LRP1B: variants seen among roughly 807,000 people sequenced by gnomAD.
LRP1B encodes LDL receptor related protein 1B, also known as low-density lipoprotein receptor-related protein 1B.
LRP1B carries 217 observed loss-of-function variants against 556.6 expected under a neutral mutation model. The observed-to-expected ratio is 0.39, with a 90% CI of 0.35 to 0.44. LRP1B has a LOEUF of 0.44. Ranked by LOEUF, LRP1B falls within the 20% of genes least tolerant of loss-of-function variation. The pLI is 1.00. For synonymous variants in LRP1B, 2,047 were observed against 1,865.8 expected, an observed-to-expected ratio of 1.10 and a Z score of -2.50; for missense variants, 5,053 against 5,620.8, an observed-to-expected ratio of 0.90 and a Z score of 3.23.
At chr2:140,292,518 C>T (rs113276167) in intron 84 of LRP1B, among the ~76,000 whole-genome samples, 9,194 of 152,178 alleles carry the variant, frequency 0.06, 400 homozygotes, top group Non-Finnish European at 0.098. Context: ...TTCCCCTTTG[C>T]TGCTTCCCTT....
chr2:141,227,552 A>G (rs1683294451), intron 6 of LRP1B, among the ~76,000 whole-genome samples: 1 of 152,154 alleles, frequency 6.6e-6, no homozygotes, highest in Non-Finnish European at 1.5e-5. Flanking sequence ...CCATTTCTCC[A>G]TAGAATTCTT....
intron 2 of LRP1B, among the ~76,000 whole-genome samples, chr2:141,686,441 T>G (rs1288872467): frequency 2.0e-5 from 3 of 152,050 alleles, no homozygotes; most frequent in Non-Finnish European, 4.4e-5. Flanking sequence ...CCTTAGCTAG[T>G]TCTAATAATG....
intron 25 of LRP1B, among the ~76,000 whole-genome samples, chr2:140,883,075 C>G (rs1050585463): frequency 6.6e-6 from 1 of 152,110 alleles, no homozygotes; most frequent in Non-Finnish European, 1.5e-5. Flanking sequence ...GTTATTATCC[C>G]CAATTCATAG....
At chr2:140,708,607 C>T (rs542199165) in intron 37 of LRP1B, among the ~76,000 whole-genome samples, 1 of 151,724 alleles carries the variant, frequency 6.6e-6, no homozygotes, top group East Asian at 1.9e-4. Flanking sequence ...TACACCCTGC[C>T]TCATTGCCCA....
Position 141,098,621 on chromosome 2 carries a change from A to G in LRP1B, c.1014-36348T>C, listed in dbSNP as rs115989881. Among the ~76,000 whole-genome samples the G allele has an allele frequency of 8.0e-3, 1,225 of 152,182 alleles. 17 individuals carry two copies. Among genetic ancestry groups the G allele is most frequent in the African/African-American group, 0.028 (1,177 of 41,514 alleles). On this transcript the variant is annotated intron_variant, in intron 7 of 90. Transcript: ENST00000389484. The stretch of plus-strand genomic sequence containing the variant: ...GTCTATGATGATTAAAGGGGGAAAA[A>G]TTCATATATTTAGTATCATGTTCTC...
intron 3 of LRP1B, among the ~76,000 whole-genome samples, chr2:141,420,883 C>A (rs1321797229): frequency 1.3e-5 from 2 of 152,160 alleles, no homozygotes; most frequent in African/African-American, 2.4e-5. Flanking sequence ...CTCAGAAAAA[C>A]CAGAATGTTG....
At chr2:140,577,932 G>GT (rs927240655) in intron 43 of LRP1B, among the ~76,000 whole-genome samples, 10 of 152,120 alleles carry the variant, frequency 6.6e-5, no homozygotes, top group African/African-American at 2.4e-4. Flanking sequence ...TTAAAGATGA[G>GT]TTTTTAACCT....
intron 31 of LRP1B, among the ~76,000 whole-genome samples, chr2:140,831,159 C>T (rs1691700289): frequency 6.6e-6 from 1 of 152,000 alleles, no homozygotes; most frequent in Non-Finnish European, 1.5e-5. Flanking sequence ...TATATGCAAT[C>T]TCTATCAAGA....
At chr2:140,918,987 G>A (rs16844947) in intron 21 of LRP1B, among the ~76,000 whole-genome samples, 28,828 of 151,666 alleles carry the variant, frequency 0.19, 3,438 homozygotes, top group East Asian at 0.4. Flanking sequence ...TCATATCTGT[G>A]CTGAATTCTT....
chr2:140,441,793 T>C (rs1256837402), intron 66 of LRP1B, among the ~76,000 whole-genome samples: 1 of 152,160 alleles, frequency 6.6e-6, no homozygotes, highest in Non-Finnish European at 1.5e-5. Flanking sequence ...GGCATATTTG[T>C]CTACAGAACA....
At position 141,434,027 on chromosome 2, in the gene LRP1B, T is replaced by G. The variant is rs185681898; in HGVS notation, c.343+46369A>C. 2.0e-5 allele frequency among the ~76,000 whole-genome samples: 3 copies of G among 152,048 alleles called. No individual in the cohort carries two copies. In the East Asian group the frequency reaches 5.8e-4, roughly 29 times the overall value. On this transcript the variant is annotated intron_variant, in intron 3 of 90. Transcript: ENST00000389484. ...TTCCACCTTACTGCTTTCAAGATTTTCTATCTTTGGCTTTCAACATCATGA... is the reference window on the plus strand; with the variant it reads ...TTCCACCTTACTGCTTTCAAGATTTGCTATCTTTGGCTTTCAACATCATGA...
At chr2:140,598,555 T>G (rs149817242) in intron 43 of LRP1B, 76 bp downstream of exon 43, 78 of 1,110,284 alleles carry the variant, frequency 7.0e-5, no homozygotes, top group Middle Eastern at 2.5e-4. Context: ...TATGTACATT[T>G]TAGGAGAGTA....
chr2:140,854,308 T>G (rs1019706202), intron 27 of LRP1B, among the ~76,000 whole-genome samples: 5 of 152,246 alleles, frequency 3.3e-5, no homozygotes, highest in Admixed American at 1.3e-4. Context: ...ATATATATTT[T>G]TGAAGGCAGA....
At chr2:141,056,372 T>A (rs1699178764) in intron 9 of LRP1B, among the ~76,000 whole-genome samples, 1 of 151,872 alleles carries the variant, frequency 6.6e-6, no homozygotes, top group African/African-American at 2.4e-5. Context: ...TAATCAAAAA[T>A]CTTTTAACCC....
intron 60 of LRP1B, among the ~76,000 whole-genome samples, chr2:140,463,753 A>G (rs1260452065): frequency 6.6e-6 from 1 of 152,224 alleles, no homozygotes; most frequent in African/African-American, 2.4e-5. Flanking sequence ...CAGGAAGATC[A>G]GAGCTGACAG....
intron 32 of LRP1B, among the ~76,000 whole-genome samples, chr2:140,793,837 G>GA (rs747579275): frequency 4.7e-5 from 7 of 148,984 alleles, no homozygotes; most frequent in East Asian, 2.0e-4. Context: ...ATCAGAAAAT[G>GA]AAAAAAAAAT....
At chr2:142,079,545 T>C (rs1705637058) in intron 1 of LRP1B, among the ~76,000 whole-genome samples, 1 of 152,086 alleles carries the variant, frequency 6.6e-6, no homozygotes, top group Admixed American at 6.6e-5. Context: ...TCTCACTGTG[T>C]CGCCCAGGTT....
At chr2:141,896,722 A>C (rs550656322) in intron 1 of LRP1B, among the ~76,000 whole-genome samples, 2 of 152,216 alleles carry the variant, frequency 1.3e-5, no homozygotes, top group African/African-American at 4.8e-5. Context: ...AAATACAAAC[A>C]TAAAATAAAA....
chr2:140,457,966 ATG>A (rs145083660), intron 60 of LRP1B, among the ~76,000 whole-genome samples: 7,471 of 151,524 alleles, frequency 0.049, 267 homozygotes, highest in Non-Finnish European at 0.057. Flanking sequence ...TGATATATTT[ATG>A]TGTGTGTGTG....
Sources: gnomAD v4.1 joint callset for allele counts (sites outside exome capture counted in the v4.1 genomes callset) on GRCh38, gnomAD v4.1.1 for gene constraint, MANE v1.5 for transcripts, NCBI Gene and HGNC (gene_info 2026-07-23, HGNC 2026-07-21) for gene names.